TAF5L: variants seen among roughly 807,000 people sequenced by gnomAD.
TAF5L encodes the protein TATA-box binding protein associated factor 5 like, also known as TAF5-like RNA polymerase II p300/CBP-associated factor-associated factor 65 kDa subunit 5L.
Under a neutral mutation model 51.3 loss-of-function variants are expected in TAF5L, and 7 were observed. That is an observed-to-expected ratio of 0.14 (90% CI 0.08 to 0.26). The LOEUF is 0.26. Among genes scored for constraint, TAF5L ranks in the 10% least tolerant of loss-of-function variants. The probability of loss-of-function intolerance (pLI) is 1.00; values close to 1 mark genes in which losing one functional copy is unlikely to be tolerated. For synonymous variants in TAF5L, 291 were observed against 308.1 expected, an observed-to-expected ratio of 0.94 and a Z score of 0.58; for missense variants, 575 against 758.9, an observed-to-expected ratio of 0.76 and a Z score of 2.85.
Position 229,594,716 on chromosome 1 carries a change from G to T in TAF5L, c.1351C>A (p.Arg451=). ...TTCCCCTGCTGAGCGCTCCACAGCC[G>T]GACGGTCTTGTCGGTTGAGCCCGTG... The change falls in exon 5 of 5, where the codon CGG becomes AGG. Residue 451 remains arginine, a synonymous_variant. Coordinates refer to ENST00000258281, the Ensembl canonical transcript of TAF5L. This position sits in a 1 kb window ranked among gnomAD's most constrained non-coding sequence, Gnocchi z 7.9. 3.7e-6 allele frequency: 6 copies of T among 1,614,192 alleles called. No individual in the cohort carries two copies. In the South Asian group the frequency reaches 5.5e-5, roughly 15 times the overall value.
intron 2 of TAF5L, among the ~76,000 whole-genome samples, chr1:229,611,351 C>T (rs969284013): frequency 6.6e-6 from 1 of 152,086 alleles, no homozygotes; most frequent in African/African-American, 2.4e-5. Context: ...AAGAAGGTGG[C>T]TAAAAACCAA....
intron 4 of TAF5L, among the ~76,000 whole-genome samples, chr1:229,596,084 G>A (rs889891144): frequency 6.6e-6 from 1 of 152,128 alleles, no homozygotes; most frequent in Admixed American, 6.5e-5. Context: ...AGACCAGCCT[G>A]GGAAACATAG....
chr1:229,614,619 A>C, intron 1 of TAF5L, 134 bp from the exon 2 acceptor site: 5 of 1,133,982 alleles, frequency 4.4e-6, no homozygotes, highest in Non-Finnish European at 6.2e-6. Flanking sequence ...CCTAGTTAAG[A>C]CGCAAATCTA....
At chr1:229,601,221 A>G (rs1373321075) in intron 4 of TAF5L, 1 of 985,304 alleles carries the variant, frequency 1.0e-6, no homozygotes, top group African/African-American at 1.7e-5. Flanking sequence ...CAGGAAAACA[A>G]TGGTTTAATT....
At position 229,602,600 on chromosome 1, in the gene TAF5L, T is replaced by A. The variant is rs745694994; in HGVS notation, c.567A>T (p.Lys189Asn). The stretch of plus-strand genomic sequence containing the variant: ...CAAGATGAATATGTAAGGTGAGGAC[T>A]TTGCACAGGGCAGTATTGTTGTCAC... Residue 189 changes from lysine (K) to asparagine (N), a missense_variant, in exon 4 of 5, where the codon AAA becomes AAT. Lys to Asn is a moderately conservative substitution (Grantham distance 94, BLOSUM62 0). Around this residue, in one of 3 missense-constraint regions of TAF5L, gnomAD observed 380 missense variants for 443.7 expected, o/e 0.86. Coordinates refer to ENST00000258281, the Ensembl canonical transcript of TAF5L. This position sits in a 1 kb window ranked among gnomAD's most constrained non-coding sequence, Gnocchi z 4.6. 3 of 1,614,206 alleles carry A rather than the reference T, an allele frequency of 1.9e-6. No individual in the cohort carries two copies. The South Asian group carries it at 3.3e-5, about 18-fold the overall frequency.
At chr1:229,606,367 G>C (rs1411644214) in intron 3 of TAF5L, 1 of 951,584 alleles carries the variant, frequency 1.1e-6, no homozygotes. Flanking sequence ...TCCTCTGAAA[G>C]TACACTTTTT....
At chr1:229,609,727 C>T (rs975852954) in intron 3 of TAF5L, among the ~76,000 whole-genome samples, 1 of 152,178 alleles carries the variant, frequency 6.6e-6, no homozygotes, top group African/African-American at 2.4e-5. Context: ...TTTAAGGATG[C>T]TTCTCTGCAT....
chr1:229,617,225 G>A (rs191862255), intron 1 of TAF5L, among the ~76,000 whole-genome samples: 3 of 152,224 alleles, frequency 2.0e-5, no homozygotes, highest in African/African-American at 7.2e-5. Context: ...ATGAGTGTGT[G>A]GATATGTATA....
chr1:229,597,061 G>GA (rs1571828101), intron 4 of TAF5L, among the ~76,000 whole-genome samples: 1 of 152,152 alleles, frequency 6.6e-6, no homozygotes, highest in East Asian at 1.9e-4. Flanking sequence ...GTGCTACCAA[G>GA]AATATTAGTA....
intron 4 of TAF5L, among the ~76,000 whole-genome samples, chr1:229,595,682 T>C (rs80325336): frequency 2.6e-5 from 4 of 152,096 alleles, no homozygotes; most frequent in Non-Finnish European, 4.4e-5. Context: ...TTTTTTTTTT[T>C]CAGATGGAGT....
In TAF5L at chr1:229,612,511, A is replaced by G. The variant is rs147317920; in HGVS notation, c.142+1830T>C. 3.3e-5 allele frequency among the ~76,000 whole-genome samples: 5 copies of G among 152,364 alleles called. No homozygotes were observed. In the East Asian group the frequency reaches 9.6e-4, roughly 29 times the overall value. On this transcript the variant is annotated intron_variant, in intron 2 of 4. Transcript: ENST00000258281. ...CAAACAATAAGGCACTTAGTATTCT[A>G]TACCAAGGCCATCATCTGGCCCTGT...
chr1:229,616,783 A>G (rs1665018501), intron 1 of TAF5L, among the ~76,000 whole-genome samples: 1 of 152,244 alleles, frequency 6.6e-6, no homozygotes, highest in Non-Finnish European at 1.5e-5. Context: ...GTATATATAC[A>G]TGTAAATATA....
In TAF5L at chr1:229,594,162, T is replaced by C. The variant is rs1664024728; in HGVS notation, c.*135A>G. The C allele has an allele frequency of 1.6e-5, 17 of 1,063,678 alleles. No homozygotes were observed. The South Asian group carries it at 2.9e-4, about 18-fold the overall frequency. 65.9% of individuals were successfully genotyped at this position (1,063,678 alleles called of 1,614,324 possible). A position where few individuals can be genotyped will look rare whatever the true frequency, so the allele number is the denominator to read the frequency against. ...CTGGGGGGCTGAGTGAAGGGGGACC[T>C]GCCCGGAATGAGGGCCCAGGAGAGA... On this transcript the variant is annotated 3_prime_UTR_variant, in exon 5 of 5. Coordinates refer to ENST00000258281, the Ensembl canonical transcript of TAF5L. This position sits in a 1 kb window ranked among gnomAD's most constrained non-coding sequence, Gnocchi z 7.9.
chr1:229,620,534 TC>T (rs1163820829), intron 1 of TAF5L, among the ~76,000 whole-genome samples: 1 of 152,168 alleles, frequency 6.6e-6, no homozygotes, highest in Admixed American at 6.5e-5. Context: ...CTTCCTCAGT[TC>T]CCCTAAACAG....
In TAF5L at chr1:229,601,291, T is replaced by A. The variant is rs1571833407; in HGVS notation, c.972+904A>T. The A allele has an allele frequency of 2.9e-5, 29 of 985,420 alleles. No individual in the cohort carries two copies. The East Asian group carries it at 4.5e-4, about 15-fold the overall frequency. 61.0% of individuals were successfully genotyped at this position (985,420 alleles called of 1,614,324 possible). Reference sequence around the variant, plus strand: ...AACTGTAATTTAATTAGAGTGATTTTTTTGCTCCTTAATTATTCAACATTG... The same window carrying A: ...AACTGTAATTTAATTAGAGTGATTTATTTGCTCCTTAATTATTCAACATTG... On this transcript the variant is annotated intron_variant, in intron 4 of 4. Coordinates refer to ENST00000258281, the Ensembl canonical transcript of TAF5L.
chr1:229,602,071 G>T lies in TAF5L; in HGVS notation c.972+124C>A. ...AATGGCTACAGGTAACATGTCATTA[G>T]TCTGGCTTTAGCTATATGATGAGGG... On this transcript the variant is annotated intron_variant, in intron 4 of 4. Transcript: ENST00000258281. This position sits in a 1 kb window ranked among gnomAD's most constrained non-coding sequence, Gnocchi z 4.6. 1 of 1,502,476 alleles carries T rather than the reference G, an allele frequency of 6.7e-7. No homozygotes were observed. The highest frequency in any genetic ancestry group is 8.9e-7 in the Non-Finnish European group (1 of 1,127,006). 93.1% of individuals were successfully genotyped at this position (1,502,476 alleles called of 1,614,324 possible).
chr1:229,621,978 A>G (rs1369734587), intron 1 of TAF5L, among the ~76,000 whole-genome samples: 2 of 152,068 alleles, frequency 1.3e-5, no homozygotes, highest in Admixed American at 6.5e-5. Context: ...CAAGCCATCA[A>G]TGCCTGTTCG....
intron 3 of TAF5L, among the ~76,000 whole-genome samples, chr1:229,604,913 G>A (rs950460390): frequency 1.3e-5 from 2 of 151,812 alleles, no homozygotes; most frequent in Non-Finnish European, 2.9e-5. Flanking sequence ...TTCCTTTCTC[G>A]TTCCCTTATC....
At position 229,622,265 on chromosome 1, in the gene TAF5L, G is replaced by A. The variant is rs115751189; in HGVS notation, c.-4+3620C>T. On this transcript the variant is annotated intron_variant, in intron 1 of 4. Coordinates refer to ENST00000258281, the Ensembl canonical transcript of TAF5L. ...TAAATATCCCAAACTAGCACCAGCT[G>A]AGGTTGCTCCAGTTGTTCCAGCCCA... 4.5e-3 allele frequency among the ~76,000 whole-genome samples: 681 copies of A among 152,130 alleles called. 3 individuals are homozygous for A. Among genetic ancestry groups the A allele is most frequent in the African/African-American group, 0.016 (652 of 41,460 alleles).
Sources: allele counts gnomAD v4.1 joint callset (sites outside exome capture counted in the v4.1 genomes callset), GRCh38; gene constraint gnomAD v4.1.1; regional missense constraint gnomAD v4.1.1; non-coding constraint Gnocchi (gnomAD v3.1); transcripts MANE v1.5; gene names NCBI Gene and HGNC (gene_info 2026-07-23, HGNC 2026-07-21).